The following CACNA1C variants were observed in gnomAD, a reference collection of about 807,000 sequenced individuals.
CACNA1C encodes the protein calcium voltage-gated channel subunit alpha1 C, also known as voltage-dependent L-type calcium channel subunit alpha-1C.
Under a neutral mutation model 229.0 loss-of-function variants are expected in CACNA1C, and 30 were observed. The ratio of observed to expected loss-of-function variants is 0.13; its 90% CI spans 0.10 to 0.18. The LOEUF (loss-of-function observed/expected upper bound fraction) is 0.18, where lower values mean the gene tolerates loss of function less well. Ranked by LOEUF, CACNA1C falls within the 10% of genes least tolerant of loss-of-function variation. The pLI, the probability that CACNA1C is intolerant of heterozygous loss-of-function variation, is 1.00. For missense variants in CACNA1C, 1,658 were observed against 2,845.0 expected (o/e 0.58, Z 9.49); for synonymous variants, 1,114 against 1,132.5 (o/e 0.98, Z 0.33).
chr12:2,528,405 C>T (rs1019894174), intron 9 of CACNA1C, among the ~76,000 whole-genome samples: 5 of 152,204 alleles, frequency 3.3e-5, no homozygotes, highest in African/African-American at 1.2e-4. Context: ...TTGATTCTAG[C>T]TTCTTAAGTC....
chr12:2,248,728 G>A (rs1311195490), intron 3 of CACNA1C, among the ~76,000 whole-genome samples: 5 of 152,238 alleles, frequency 3.3e-5, no homozygotes, highest in Non-Finnish European at 2.9e-5. Flanking sequence ...AGACAGGAGC[G>A]GATGTTGCCT....
At chr12:2,332,582 A>G (rs1327860323) in intron 3 of CACNA1C, among the ~76,000 whole-genome samples, 2 of 152,254 alleles carry the variant, frequency 1.3e-5, no homozygotes, top group African/African-American at 4.8e-5. Context: ...ACAAAAATGC[A>G]AAGACGTATG....
At chr12:2,628,760 A>G (rs973800228) in intron 29 of CACNA1C, among the ~76,000 whole-genome samples, 1 of 152,086 alleles carries the variant, frequency 6.6e-6, no homozygotes, top group African/African-American at 2.4e-5. Flanking sequence ...AAATTAAACA[A>G]TTAGAGGGGC....
chr12:2,204,323 T>G (rs1308618092), intron 3 of CACNA1C, among the ~76,000 whole-genome samples: 3 of 152,158 alleles, frequency 2.0e-5, no homozygotes, highest in African/African-American at 4.8e-5. Flanking sequence ...TGTAAATTTG[T>G]TTGAGTTCAT....
At chr12:2,096,769 C>G (rs954417115) in intron 1 of CACNA1C, among the ~76,000 whole-genome samples, 1 of 152,196 alleles carries the variant, frequency 6.6e-6, no homozygotes, top group Non-Finnish European at 1.5e-5. Context: ...CTGGCAAACT[C>G]TATTCTACTT....
intron 3 of CACNA1C, among the ~76,000 whole-genome samples, chr12:2,184,449 T>G (rs1566212708): frequency 6.6e-6 from 1 of 152,156 alleles, no homozygotes; most frequent in Non-Finnish European, 1.5e-5. Flanking sequence ...TTTGTGTTAG[T>G]TTGGAGTCTT....
Position 2,029,655 on chromosome 12 carries a change from C to T in CACNA1C, c.139+58454C>T, listed in dbSNP as rs2047905912. Among the ~76,000 whole-genome samples the T allele has an allele frequency of 6.6e-6, 1 of 152,130 alleles. No individual in the cohort carries two copies. The highest frequency in any genetic ancestry group is 1.5e-5 in the Non-Finnish European group (1 of 68,028). On this transcript the variant is annotated intron_variant, in intron 1 of 46. Transcript: ENST00000682462. The surrounding 1 kb of genome is among the most constrained non-coding windows in gnomAD (Gnocchi z 4.9). ...GCACTTTGGTTAAAGAATTTTGTTG[C>T]CTTTGTCTCTCACCACTCCCGAAGT... is the stretch of plus-strand genomic sequence containing the variant.
chr12:2,640,500 C>G (rs144017617), intron 30 of CACNA1C, among the ~76,000 whole-genome samples: 1 of 152,346 alleles, frequency 6.6e-6, no homozygotes, highest in East Asian at 1.9e-4. Context: ...GGATCCGTGT[C>G]TCTGGTTACA....
At chr12:2,120,654 C>A (rs2086176838) in intron 3 of CACNA1C, among the ~76,000 whole-genome samples, 1 of 98,768 alleles carries the variant, frequency 1.0e-5, no homozygotes, top group Non-Finnish European at 2.0e-5. Flanking sequence ...TGGTGGTGAG[C>A]TCTGTGTGTG....
At chr12:2,437,778 AGGT>A (rs1319656571) in intron 3 of CACNA1C, among the ~76,000 whole-genome samples, 2 of 145,764 alleles carry the variant, frequency 1.4e-5, no homozygotes, top group East Asian at 4.1e-4. Flanking sequence ...GAGATGGTAG[AGGT>A]GGTGATGGTG....
At chr12:2,270,972 GGC>G (rs1163185854) in intron 3 of CACNA1C, among the ~76,000 whole-genome samples, 3 of 152,130 alleles carry the variant, frequency 2.0e-5, no homozygotes, top group Non-Finnish European at 2.9e-5. Context: ...CTTTGCCGAG[GGC>G]TGGTGGCCTG....
At chr12:2,232,227 G>GTTTTTTTTTTTT (rs1169407536) in intron 3 of CACNA1C, among the ~76,000 whole-genome samples, 524 of 73,234 alleles carry the variant, frequency 7.2e-3, no homozygotes, top group Non-Finnish European at 9.3e-3. Flanking sequence ...GTCTTTCCTT[G>GTTTTTTTTTTTT]TTTTTTTTTT....
rs1051357582 is a variant in CACNA1C, at chr12:2,108,599, C to T, written c.50-6625C>T. 8.5e-5 allele frequency among the ~76,000 whole-genome samples: 13 copies of T among 152,308 alleles called. No homozygotes were observed. The highest frequency in any genetic ancestry group is 1.5e-4 in the Non-Finnish European group (10 of 68,030). The stretch of plus-strand genomic sequence containing the variant: ...TGGCCCCTGCAGTCCAGCGGGGCAC[C>T]GTAGGAGGAGGGTGGAAGAGCTGCT... On this transcript the variant is annotated intron_variant, in intron 1 of 46. Coordinates refer to ENST00000399655, the MANE Select transcript of CACNA1C (RefSeq NM_000719.7). This position sits in a 1 kb window ranked among gnomAD's most constrained non-coding sequence, Gnocchi z 5.3.
At chr12:2,308,489 A>C (rs1203484814) in intron 3 of CACNA1C, among the ~76,000 whole-genome samples, 1 of 152,208 alleles carries the variant, frequency 6.6e-6, no homozygotes, top group Non-Finnish European at 1.5e-5. Flanking sequence ...AGATTAGTTA[A>C]CCATATATGC....
chr12:2,503,179 G>C (rs1349138857), intron 7 of CACNA1C, among the ~76,000 whole-genome samples: 2 of 152,194 alleles, frequency 1.3e-5, no homozygotes, highest in Non-Finnish European at 2.9e-5. Flanking sequence ...GTGGGTTGCT[G>C]GGCCTTCCCC....
intron 7 of CACNA1C, among the ~76,000 whole-genome samples, chr12:2,498,166 G>C (rs962800275): frequency 2.0e-5 from 3 of 152,310 alleles, no homozygotes; most frequent in Admixed American, 6.5e-5. Context: ...GTTGCTGAAG[G>C]CTTCATAAAA....
At chr12:2,564,208 G>A (rs1372071725) in intron 11 of CACNA1C, among the ~76,000 whole-genome samples, 1 of 152,132 alleles carries the variant, frequency 6.6e-6, no homozygotes, top group Admixed American at 6.5e-5. Context: ...ACTTTAAAAA[G>A]CAGTTTCCTT....
intron 2 of CACNA1C, among the ~76,000 whole-genome samples, chr12:2,118,018 G>C (rs1359372111): frequency 6.6e-6 from 1 of 152,246 alleles, no homozygotes; most frequent in Non-Finnish European, 1.5e-5. Flanking sequence ...AGGCGACACA[G>C]AGCACTTCCC....
At chr12:2,314,746 G>T (rs1396906848) in intron 3 of CACNA1C, among the ~76,000 whole-genome samples, 1 of 152,088 alleles carries the variant, frequency 6.6e-6, no homozygotes, top group Non-Finnish European at 1.5e-5. Context: ...GTGTGCCACG[G>T]TGTTTCTACC....
Sources: allele counts gnomAD v4.1 joint callset (sites outside exome capture counted in the v4.1 genomes callset), GRCh38; gene constraint gnomAD v4.1.1; non-coding constraint Gnocchi (gnomAD v3.1); transcripts MANE v1.5; gene names NCBI Gene and HGNC (gene_info 2026-07-23, HGNC 2026-07-21).